Variants in TMX3 observed in about 807,000 individuals in gnomAD.
TMX3 encodes thioredoxin related transmembrane protein 3, also known as protein disulfide-isomerase TMX3.
A neutral mutation model predicts 64.4 loss-of-function variants in TMX3; 40 were observed. The ratio of observed to expected loss-of-function variants is 0.62; its 90% confidence interval spans 0.48 to 0.81. TMX3 has a LOEUF of 0.81. Ranked by LOEUF, TMX3 falls within the 30% of genes least tolerant of loss-of-function variation. The probability of loss-of-function intolerance (pLI) is 0.00; values close to 1 mark genes in which losing one functional copy is unlikely to be tolerated. For synonymous variants in TMX3, 189 were observed against 175.7 expected, an observed-to-expected ratio of 1.08 and a Z score of -0.60; for missense variants, 497 against 534.5, an observed-to-expected ratio of 0.93 and a Z score of 0.69.
intron 5 of TMX3, chr18:68,701,155 C>T (rs1371996980): frequency 3.0e-6 from 1 of 333,964 alleles, no homozygotes; most frequent in Admixed American, 6.5e-5. Flanking sequence ...GGAAAAAGGT[C>T]GACACAAAAC....
rs911456628 is a variant in TMX3 at position 68,675,585 on chromosome 18, ATTT to A, written c.*1345_*1347del. 6.6e-6 allele frequency: 1 copy of A among 152,100 alleles called. No individual in the cohort carries two copies. Among genetic ancestry groups the A allele is most frequent in the African/African-American group, 2.4e-5 (1 of 41,406 alleles). 9.4% of individuals were successfully genotyped at this position (152,100 alleles called of 1,614,324 possible). On this transcript the variant is annotated 3_prime_UTR_variant, in exon 16 of 16. Coordinates refer to ENST00000299608, the MANE Select transcript of TMX3 (RefSeq NM_019022.5). ...ATATTTTTTGACCATGCATTACATTATTTTTTAATAAATGTTCAATAAAATTCT... is the reference window on the plus strand; with the variant it reads ...ATATTTTTTGACCATGCATTACATTATTTAATAAATGTTCAATAAAATTCT...
chr18:68,677,477 A>C (rs889438596), intron 15 of TMX3, among the ~76,000 whole-genome samples: 2 of 152,128 alleles, frequency 1.3e-5, no homozygotes, highest in Non-Finnish European at 2.9e-5. Flanking sequence ...ATTTTTCTAC[A>C]TTAACCACAA....
intron 14 of TMX3, 24 bp downstream of exon 14, chr18:68,680,957 T>G (rs202036763): frequency 6.4e-7 from 1 of 1,552,080 alleles, no homozygotes; most frequent in Non-Finnish European, 8.7e-7. Context: ...CATCATCTCT[T>G]TGAAACAGAA....
At chr18:68,712,389 A>C (rs1269416643) in intron 2 of TMX3, among the ~76,000 whole-genome samples, 1 of 152,134 alleles carries the variant, frequency 6.6e-6, no homozygotes, top group Non-Finnish European at 1.5e-5. Flanking sequence ...GTGTCTTCTC[A>C]CAACTGTCGC....
intron 13 of TMX3, 150 bp downstream of exon 13, chr18:68,682,775 C>A: frequency 1.9e-6 from 1 of 520,714 alleles, no homozygotes; most frequent in South Asian, 4.9e-5. Flanking sequence ...AATTGGAAAA[C>A]TAAAGTAAAA....
intron 8 of TMX3, among the ~76,000 whole-genome samples, chr18:68,692,863 G>A (rs1020205783): frequency 6.6e-6 from 1 of 152,138 alleles, no homozygotes; most frequent in Admixed American, 6.5e-5. Context: ...GGCCCTCTGG[G>A]TTCTAGGGAT....
intron 10 of TMX3, 85 bp from the exon 11 acceptor site, chr18:68,684,570 T>A (rs1359666493): frequency 5.5e-6 from 6 of 1,090,048 alleles, no homozygotes; most frequent in African/African-American, 3.1e-5. Flanking sequence ...AGTAGGAAAT[T>A]AGTAAAGTAT....
chr18:68,687,194 C>T (rs1914048817), intron 10 of TMX3: 1 of 985,308 alleles, frequency 1.0e-6, no homozygotes, highest in African/African-American at 1.7e-5. Context: ...ATATAATCGG[C>T]TTCTTACAGC....
At chr18:68,679,204 G>C (rs540590178) in intron 15 of TMX3, among the ~76,000 whole-genome samples, 8 of 152,048 alleles carry the variant, frequency 5.3e-5, no homozygotes, top group Non-Finnish European at 1.2e-4. Flanking sequence ...TTACATGGCA[G>C]GTTGCAGAAA....
chr18:68,694,856 G>C (rs1914902884), intron 8 of TMX3, among the ~76,000 whole-genome samples: 1 of 151,870 alleles, frequency 6.6e-6, no homozygotes, highest in African/African-American at 2.4e-5. Flanking sequence ...ACCTACTTCG[G>C]CAAGTCTGTA....
intron 4 of TMX3, among the ~76,000 whole-genome samples, chr18:68,709,162 C>G (rs184974292): frequency 6.6e-6 from 1 of 152,146 alleles, no homozygotes; most frequent in African/African-American, 2.4e-5. Flanking sequence ...AATATGGAAA[C>G]CAAAGATTGG....
intron 8 of TMX3, among the ~76,000 whole-genome samples, 194 bp from the exon 9 acceptor site, chr18:68,691,555 C>T (rs572210786): frequency 3.3e-5 from 5 of 152,106 alleles, no homozygotes; most frequent in Non-Finnish European, 5.9e-5. Context: ...TTTATATATC[C>T]CCTTGTACAA....
intron 8 of TMX3, among the ~76,000 whole-genome samples, chr18:68,694,922 C>A (rs948637988): frequency 1.3e-5 from 2 of 151,824 alleles, no homozygotes; most frequent in Admixed American, 6.6e-5. Flanking sequence ...TTTCACTTAC[C>A]TTTGTGAAAA....
At chr18:68,693,038 G>A (rs982821499) in intron 8 of TMX3, among the ~76,000 whole-genome samples, 1 of 152,168 alleles carries the variant, frequency 6.6e-6, no homozygotes, top group Admixed American at 6.5e-5. Flanking sequence ...ACAAAAATGT[G>A]GCTCACTGGA....
chr18:68,689,739 C>T (rs1023777858), intron 9 of TMX3: 11 of 152,274 alleles, frequency 7.2e-5, no homozygotes, highest in Non-Finnish European at 1.3e-4. Flanking sequence ...ATAAGCCCAA[C>T]GTCTAATACA....
intron 9 of TMX3, among the ~76,000 whole-genome samples, chr18:68,688,158 AG>A (rs747420896): frequency 7.9e-5 from 12 of 152,326 alleles, no homozygotes; most frequent in Middle Eastern, 3.4e-3. Flanking sequence ...ACTTCGTAAA[AG>A]AAAGTATGAA....
chr18:68,692,364 G>A (rs886622353), intron 8 of TMX3, among the ~76,000 whole-genome samples: 9 of 152,034 alleles, frequency 5.9e-5, no homozygotes, highest in African/African-American at 1.9e-4. Flanking sequence ...CACATATTCT[G>A]AAGCTCTCTT....
At position 68,674,545 on chromosome 18, in the gene TMX3, A is replaced by G. The variant is rs980304586; in HGVS notation, c.*2388T>C. The stretch of plus-strand genomic sequence containing the variant: ...AAATTTACCATGGAATTAGAATGAT[A>G]CCTATGTTCTTCCACTAGATTCACT... On this transcript the variant is annotated 3_prime_UTR_variant, in exon 16 of 16. Transcript: ENST00000299608. The G allele has an allele frequency of 6.6e-6, 1 of 152,120 alleles. No homozygotes were observed. The highest frequency in any genetic ancestry group is 1.5e-5 in the Non-Finnish European group (1 of 67,996). 9.4% of individuals were successfully genotyped at this position (152,120 alleles called of 1,614,324 possible). A position where few individuals can be genotyped will look rare whatever the true frequency, so the allele number is the denominator to read the frequency against.
chr18:68,676,691 T>C lies in TMX3; in HGVS notation c.*242A>G. The C allele has an allele frequency of 1.9e-6, 1 of 521,578 alleles. No homozygotes were observed. The highest frequency in any genetic ancestry group is 3.5e-5 in the Admixed American group (1 of 28,442). The allele number at this position is 521,578 out of a possible 1,614,324, so 32.3% of individuals were successfully genotyped here. A position where few individuals can be genotyped will look rare whatever the true frequency, so the allele number is the denominator to read the frequency against. On this transcript the variant is annotated 3_prime_UTR_variant, in exon 16 of 16. Coordinates refer to ENST00000299608, the MANE Select transcript of TMX3 (RefSeq NM_019022.5). The stretch of plus-strand genomic sequence containing the variant: ...ACATGCAAATAGAATTGTTCTGTTC[T>C]AATCACAAAGATCAGGTAAATTTTG...
Sources: allele counts gnomAD v4.1 joint callset (sites outside exome capture counted in the v4.1 genomes callset), GRCh38; gene constraint gnomAD v4.1.1; transcripts MANE v1.5; gene names NCBI Gene and HGNC (gene_info 2026-07-23, HGNC 2026-07-21).